The following KRT77 variants were observed in gnomAD, a reference collection of about 807,000 sequenced individuals.
The protein encoded by KRT77 is keratin, type II cytoskeletal 1b.
A neutral mutation model predicts 51.5 loss-of-function variants in KRT77; 44 were observed. That is an observed-to-expected ratio of 0.85 (90% confidence interval 0.67 to 1.10). The LOEUF (loss-of-function observed/expected upper bound fraction) is 1.10. KRT77 is among the 50% of genes least tolerant of loss of function. The pLI is 0.00. For missense variants in KRT77, 763 were observed against 743.9 expected, an observed-to-expected ratio of 1.03 and a Z score of -0.30; for synonymous variants, 293 against 302.0, an observed-to-expected ratio of 0.97 and a Z score of 0.31.
chr12:52,697,575 T>TG, intron 2 of KRT77, 107 bp downstream of exon 2: 2 of 252,168 alleles, frequency 7.9e-6, no homozygotes, highest in South Asian at 6.4e-5. Context: ...AGAGCCTGCA[T>TG]GCCCCGCCCC....
intron 1 of KRT77, 91 bp from the exon 2 acceptor site, chr12:52,697,987 G>T: frequency 7.0e-7 from 1 of 1,432,440 alleles, no homozygotes; most frequent in East Asian, 2.3e-5. Context: ...AACACATCCA[G>T]ACCTCAGAGA....
intron 1 of KRT77, among the ~76,000 whole-genome samples, chr12:52,701,885 C>T (rs1941891230): frequency 6.6e-6 from 1 of 152,196 alleles, no homozygotes; most frequent in African/African-American, 2.4e-5. Context: ...ATTCACCATG[C>T]CCTGCCTGCT....
Position 52,696,450 on chromosome 12 carries a change from A to G in KRT77, c.759-20T>C, listed in dbSNP as rs115712615. ...TCATACCTGTCAGGCGAGGCAAAGG[A>G]GCACAGAAAGGCTGCAGGCTGACCT... On this transcript the variant is annotated intron_variant, in intron 2 of 8. Coordinates refer to ENST00000341809, the MANE Select transcript of KRT77 (RefSeq NM_175078.3). 4,939 of 1,611,632 alleles carry G rather than the reference A, an allele frequency of 3.1e-3. 141 individuals are homozygous for G. The African/African-American group carries it at 0.058, about 19-fold the overall frequency.
chr12:52,697,879 C>G lies in KRT77; in HGVS notation c.561G>C (p.Gln187His), dbSNP rs1941823089. The change falls in exon 2 of 9, where the codon CAG becomes CAC. Residue 187 changes from glutamine to histidine, a missense_variant. Physicochemically the swap from Gln to His is conservative, Grantham distance 24. Coordinates refer to ENST00000341809, the MANE Select transcript of KRT77 (RefSeq NM_175078.3). ...SFIDKVRFLE[Q>H]QNQVLQTKWE... is the part of the protein sequence containing the mutation. The stretch of plus-strand genomic sequence containing the variant: ...ATTTTGTTTGTAGCACCTGGTTCTG[C>G]TGCTCCAGGAATCGCACCTAAGAGC... 1.2e-6 allele frequency: 2 copies of G among 1,613,844 alleles called. No individual in the cohort carries two copies. The highest frequency in any genetic ancestry group is 2.7e-5 in the African/African-American group (2 of 74,914).
At position 52,691,122 on chromosome 12, in the gene KRT77, G is replaced by A; in HGVS notation, c.*43C>T. On this transcript the variant is annotated 3_prime_UTR_variant, in exon 9 of 9. Transcript: ENST00000341809. ...CGTGGAGGGGAGGAGTTTGAGGAGAGGGCGGTGAGGGGCAGGCGTGATGTG... is the reference window on the plus strand; with the variant it reads ...CGTGGAGGGGAGGAGTTTGAGGAGAAGGCGGTGAGGGGCAGGCGTGATGTG... 2 of 1,613,282 alleles carry A rather than the reference G, an allele frequency of 1.2e-6. No individual in the cohort carries two copies. The highest frequency in any genetic ancestry group is 2.2e-5 in the South Asian group (2 of 91,014).
intron 1 of KRT77, 157 bp from the exon 2 acceptor site, chr12:52,698,053 A>C: frequency 7.0e-7 from 1 of 1,437,730 alleles, no homozygotes; most frequent in South Asian, 1.3e-5. Flanking sequence ...ATTGAGACAC[A>C]CAGAGGGCAA....
intron 1 of KRT77, chr12:52,698,101 GC>G: frequency 6.8e-7 from 1 of 1,475,746 alleles, no homozygotes; most frequent in Non-Finnish European, 9.0e-7. Flanking sequence ...AGGTCAACTT[GC>G]CTAAAATTGA....
rs374996343 is a variant in KRT77, at chr12:52,693,078, C to T, written c.1081-198G>A. On this transcript the variant is annotated intron_variant, in intron 5 of 8. Transcript: ENST00000341809. ...ACATGTATACATGCACACACTCACA[C>T]TATCCCAAGCCTCCCGCATTCCCAC... Among the ~76,000 whole-genome samples, 14 of 150,890 alleles carry T rather than the reference C, an allele frequency of 9.3e-5. 1 individual carries two copies. Among genetic ancestry groups the T allele is most frequent in the Admixed American group, 4.0e-4 (6 of 15,136 alleles).
rs772004462 is a variant in KRT77 at position 52,692,501 on chromosome 12, G to A, written c.1347C>T (p.Tyr449=). ...ACAGCTTGACCCCCAGCATGGCCTG[G>A]TAGTCACGCAGCAGCCGGGCCAGCT... ...KEELARLLRD[Y]QAMLGVKLSL... The change falls in exon 7 of 9, where the codon TAC becomes TAT. Residue 449 remains tyrosine (Y), a synonymous_variant. Coordinates refer to ENST00000341809, the MANE Select transcript of KRT77 (RefSeq NM_175078.3). The A allele has an allele frequency of 1.2e-6, 2 of 1,614,054 alleles. No homozygotes were observed. The highest frequency in any genetic ancestry group is 1.7e-6 in the Non-Finnish European group (2 of 1,179,988).
intron 7 of KRT77, 42 bp from the exon 8 acceptor site, chr12:52,692,014 TGAGGA>T: frequency 1.2e-6 from 2 of 1,608,488 alleles, no homozygotes; most frequent in Non-Finnish European, 1.7e-6. Context: ...CCACAGGGCC[TGAGGA>T]GAGAAGGCTG....
rs1592271740 is a variant in KRT77 at position 52,692,900 on chromosome 12, C to T, written c.1081-20G>A. 1 of 1,601,768 alleles carries T rather than the reference C, an allele frequency of 6.2e-7. No individual in the cohort carries two copies. ...CTGGTACTGGGGCCAAAGGCAGCAT[C>T]ATAGTCAGCATGTGCTGCCCACCAC... On this transcript the variant is annotated intron_variant, in intron 5 of 8. Transcript: ENST00000341809.
intron 4 of KRT77, 93 bp downstream of exon 4, chr12:52,695,675 GGACC>G (rs1941785085): frequency 1.7e-6 from 1 of 576,804 alleles, no homozygotes; most frequent in Non-Finnish European, 2.8e-6. Context: ...GTCCCTAGTG[GGACC>G]CTAGTGTTGG....
rs763261778 is a variant in KRT77, at chr12:52,694,640, G to GGGCTTC, written c.1060_1065dup (p.Glu354_Ala355dup). ...GCCACGCCCACCTTGGTCTGGTACA[G>GGGCTTC]GGCTTCGGCCTCGTCCTTGCTCCTC... On this transcript the variant is annotated inframe_insertion, in exon 5 of 9. Transcript: ENST00000341809. The GGGCTTC allele has an allele frequency of 1.1e-4, 175 of 1,607,184 alleles. 3 individuals are homozygous for GGGCTTC. The South Asian group carries it at 1.6e-3, about 15-fold the overall frequency.
Position 52,696,432 on chromosome 12 carries a change from T to C in KRT77, c.759-2A>G, listed in dbSNP as rs1442213809. On this transcript the variant is annotated splice_acceptor_variant, in intron 2 of 8. Transcript: ENST00000341809. LOFTEE classifies it high-confidence loss of function. ...CTCTTGTTGATTTCATCCTCATACC[T>C]GTCAGGCGAGGCAAAGGAGCACAGA... is the stretch of plus-strand genomic sequence containing the variant. The C allele has an allele frequency of 1.2e-6, 2 of 1,614,044 alleles. No homozygotes were observed. The highest frequency in any genetic ancestry group is 1.7e-5 in the Admixed American group (1 of 60,028).
chr12:52,691,576 G>T (rs1941710569), intron 8 of KRT77, 137 bp from the exon 9 acceptor site: 1 of 1,042,390 alleles, frequency 9.6e-7, no homozygotes, highest in Non-Finnish European at 1.4e-6. Context: ...ATTGAAAATT[G>T]AAAGTGTTCC....
At position 52,691,238 on chromosome 12, in the gene KRT77, C is replaced by A; in HGVS notation, c.1664G>T (p.Ser555Ile). 1 of 1,613,380 alleles carries A rather than the reference C, an allele frequency of 6.2e-7. No individual in the cohort carries two copies. Among genetic ancestry groups the A allele is most frequent in the Non-Finnish European group, 8.5e-7 (1 of 1,179,732 alleles). Residue 555 changes from serine to isoleucine, a missense_variant, in exon 9 of 9, where the codon AGC (serine) becomes ATC (isoleucine). Ser to Ile is a moderately radical substitution (Grantham distance 142). Transcript: ENST00000341809. ...CTGCACGCGCGAGGATCCGCGGCCG[C>A]TTCTGCCGCTCCCTCCGTAGCTCCC... ...GGGSYGGSGR[S>I]GRGSSRVQII...
In KRT77 at chr12:52,691,245, C is replaced by T. The variant is rs1941700114; in HGVS notation, c.1657G>A (p.Gly553Ser). 6.2e-7 allele frequency: 1 copy of T among 1,612,458 alleles called. No homozygotes were observed. The highest frequency in any genetic ancestry group is 1.3e-5 in the African/African-American group (1 of 74,886). Residue 553 changes from glycine (G) to serine (S), a missense_variant, in exon 9 of 9, where the codon GGC (glycine) becomes AGC (serine). Physicochemically the swap from Gly to Ser is moderately conservative, Grantham distance 56. Transcript: ENST00000341809. ...CGCGAGGATCCGCGGCCGCTTCTGC[C>T]GCTCCCTCCGTAGCTCCCGCCACCG... ...GGGGGSYGGSGRSGRGSSRVQ... is the reference protein window; with the variant it reads ...GGGGGSYGGSSRSGRGSSRVQ...
chr12:52,698,743 G>A (rs1349080792), intron 1 of KRT77, among the ~76,000 whole-genome samples: 1 of 152,248 alleles, frequency 6.6e-6, no homozygotes, highest in Non-Finnish European at 1.5e-5. Context: ...TAGACACTGT[G>A]GAGCCTCTGC....
In KRT77 at chr12:52,691,977, A is replaced by T. The variant is rs1565651797; in HGVS notation, c.1428-5T>A. 1 of 1,614,030 alleles carries T rather than the reference A, an allele frequency of 6.2e-7. No individual in the cohort carries two copies. Among genetic ancestry groups the T allele is most frequent in the Non-Finnish European group, 8.5e-7 (1 of 1,180,032 alleles). The stretch of plus-strand genomic sequence containing the variant: ...CTCTGCAGCTCTCCTGACATCCTGT[A>T]AAACCAAAGCACACGGTCAGCCAGA... On this transcript the variant is annotated splice_polypyrimidine_tract_variant and splice_region_variant and intron_variant, in intron 7 of 8. Transcript: ENST00000341809.
Sources: allele counts gnomAD v4.1 joint callset (sites outside exome capture counted in the v4.1 genomes callset), GRCh38; gene constraint gnomAD v4.1.1; transcripts MANE v1.5; gene names NCBI Gene and HGNC (gene_info 2026-07-23, HGNC 2026-07-21).